Variants in TACR3 observed in about 807,000 individuals in gnomAD.
The protein encoded by TACR3 is neuromedin-K receptor.
A neutral mutation model predicts 35.0 loss-of-function variants in TACR3; 34 were observed. The ratio of observed to expected loss-of-function variants is 0.97; its 90% CI spans 0.74 to 1.30. TACR3 has a LOEUF of 1.30. TACR3 is among the 50% of genes most tolerant of loss of function. The pLI, the probability that TACR3 is intolerant of heterozygous loss-of-function variation, is 0.00. For synonymous variants in TACR3, 233 were observed against 221.1 expected (o/e 1.05, Z -0.48); for missense variants, 558 against 591.7 (o/e 0.94, Z 0.59).
chr4:103,686,691 T>G (rs1291702776), intron 1 of TACR3, among the ~76,000 whole-genome samples: 2 of 152,136 alleles, frequency 1.3e-5, no homozygotes, highest in Non-Finnish European at 2.9e-5. Flanking sequence ...GAAATTATTT[T>G]TGAGAGGTCC....
At chr4:103,633,652 C>T (rs570114169) in intron 3 of TACR3, among the ~76,000 whole-genome samples, 39 of 152,162 alleles carry the variant, frequency 2.6e-4, no homozygotes, top group Non-Finnish European at 1.2e-4. Context: ...TCAGTGAGAA[C>T]ATAAAATGTT....
chr4:103,612,126 CTGTTA>C (rs1259398884), intron 3 of TACR3, among the ~76,000 whole-genome samples: 1 of 152,162 alleles, frequency 6.6e-6, no homozygotes, highest in Admixed American at 6.6e-5. Context: ...TTCAAAGCTT[CTGTTA>C]TATTTTGCTG....
At position 103,587,241 on chromosome 4, in the gene TACR3, C is replaced by G. The variant is rs1239129812; in HGVS notation, c.*2441G>C. 1 of 151,430 alleles carries G rather than the reference C, an allele frequency of 6.6e-6. No homozygotes were observed. The highest frequency in any genetic ancestry group is 2.4e-5 in the African/African-American group (1 of 40,892). The allele number at this position is 151,430 out of a possible 1,614,324, so 9.4% of individuals were successfully genotyped here. A position where few individuals can be genotyped will look rare whatever the true frequency, so the allele number is the denominator to read the frequency against. On this transcript the variant is annotated 3_prime_UTR_variant, in exon 5 of 5. Transcript: ENST00000304883. Reference sequence around the variant, plus strand: ...TGCAGACAAAAGAGTGAAAAATCTTCTCTTTTATATTTCACTCTTGTTTTA... The same window carrying G: ...TGCAGACAAAAGAGTGAAAAATCTTGTCTTTTATATTTCACTCTTGTTTTA...
Position 103,719,332 on chromosome 4 carries a change from C to G in TACR3, c.344G>C (p.Arg115Pro). The change falls in exon 1 of 5, where the codon CGC (arginine) becomes CCC (proline). Residue 115 changes from arginine (R) to proline (P), a missense_variant. By Grantham distance (103) the Arg-to-Pro change is moderately radical (BLOSUM62 -2). Transcript: ENST00000304883. ...GAAGTAGTTGGTGACAGTCCTCATG[C>G]GCTTGTGGGCCAGGATGATCCAGAT... ...IVIWIILAHKRMRTVTNYFLV... is the reference protein window; with the variant it reads ...IVIWIILAHKPMRTVTNYFLV... The G allele has an allele frequency of 1.9e-6, 3 of 1,614,236 alleles. No homozygotes were observed. The South Asian group carries it at 3.3e-5, about 18-fold the overall frequency.
intron 3 of TACR3, among the ~76,000 whole-genome samples, chr4:103,609,834 A>G (rs1291776314): frequency 6.6e-6 from 1 of 152,100 alleles, no homozygotes. Context: ...CACTTCTTCT[A>G]TAAGGTAAAC....
intron 1 of TACR3, among the ~76,000 whole-genome samples, chr4:103,666,231 G>A (rs985922307): frequency 6.6e-6 from 1 of 152,080 alleles, no homozygotes; most frequent in African/African-American, 2.4e-5. Context: ...TGGACACAGT[G>A]GTAAAGACAT....
chr4:103,667,283 C>G (rs919745711), intron 1 of TACR3, among the ~76,000 whole-genome samples: 1 of 149,274 alleles, frequency 6.7e-6, no homozygotes, highest in Admixed American at 6.6e-5. Context: ...AAAACAAAAA[C>G]AAAAAAACTT....
At chr4:103,652,841 G>T (rs1252701699) in intron 3 of TACR3, among the ~76,000 whole-genome samples, 1 of 151,672 alleles carries the variant, frequency 6.6e-6, no homozygotes, top group Non-Finnish European at 1.5e-5. Context: ...GTCCATCCAG[G>T]GTAGAACTTC....
At chr4:103,600,286 G>T (rs1724163169) in intron 3 of TACR3, among the ~76,000 whole-genome samples, 1 of 152,130 alleles carries the variant, frequency 6.6e-6, no homozygotes, top group Non-Finnish European at 1.5e-5. Flanking sequence ...GTATTCCTGT[G>T]GGATCAGTGT....
chr4:103,648,704 T>G (rs1166646028), intron 3 of TACR3, among the ~76,000 whole-genome samples: 1 of 152,150 alleles, frequency 6.6e-6, no homozygotes, highest in Non-Finnish European at 1.5e-5. Flanking sequence ...ACATTTAGGT[T>G]GCTTCCAAGT....
At chr4:103,659,576 CTCATATTGAAT>C (rs1365801054) in intron 1 of TACR3, among the ~76,000 whole-genome samples, 1 of 152,120 alleles carries the variant, frequency 6.6e-6, no homozygotes, top group African/African-American at 2.4e-5. Context: ...CCTGTTATAC[CTCATATTGAAT>C]TCATACTGCC....
rs540361501 is a variant in TACR3 at position 103,609,239 on chromosome 4, A to G, written c.889-17556T>C. ...GCCTTATTCACTGCATTCTATTTCA[A>G]CAGTGGCCACAAAATTATTTCCATA... On this transcript the variant is annotated intron_variant, in intron 3 of 4. Transcript: ENST00000304883. 3.3e-5 allele frequency among the ~76,000 whole-genome samples: 5 copies of G among 152,244 alleles called. No individual in the cohort carries two copies. In the South Asian group the frequency reaches 1.0e-3, roughly 32 times the overall value.
intron 3 of TACR3, among the ~76,000 whole-genome samples, chr4:103,624,764 C>A (rs1315755515): frequency 1.3e-5 from 2 of 152,066 alleles, no homozygotes; most frequent in Non-Finnish European, 2.9e-5. Context: ...TCCCTTTTGA[C>A]TTGAAGGAGA....
intron 1 of TACR3, among the ~76,000 whole-genome samples, chr4:103,704,285 G>A (rs1722735285): frequency 6.6e-6 from 1 of 152,110 alleles, no homozygotes; most frequent in African/African-American, 2.4e-5. Context: ...TGGATGCAAT[G>A]TGTTAAAAAT....
At chr4:103,708,753 C>A (rs1395410080) in intron 1 of TACR3, among the ~76,000 whole-genome samples, 1 of 152,090 alleles carries the variant, frequency 6.6e-6, no homozygotes, top group Non-Finnish European at 1.5e-5. Context: ...AGCTGAAAAC[C>A]TTGAGAAAAG....
At position 103,589,940 on chromosome 4, in the gene TACR3, G is replaced by A. The variant is rs267599972; in HGVS notation, c.1140C>T (p.Ser380=). Residue 380 remains serine, a synonymous_variant, in exon 5 of 5, where the codon TCC becomes TCT. Transcript: ENST00000304883. ...AFRWCPFIKV[S]SYDELELKTT... ...TCTTGAGCTCTAGCTCATCATAGCT[G>A]GAAACTTTGATGAAAGGACACCAGC... 3.7e-6 allele frequency: 6 copies of A among 1,613,786 alleles called. No individual in the cohort carries two copies. The East Asian group carries it at 8.9e-5, about 24-fold the overall frequency.
chr4:103,697,402 G>GTTTGTTTA (rs139321846), intron 1 of TACR3, among the ~76,000 whole-genome samples: 1,766 of 144,966 alleles, frequency 0.012, 27 homozygotes, highest in African/African-American at 0.042. Flanking sequence ...TTATTTATTT[G>GTTTGTTTA]TTTATTTATT....
chr4:103,630,925 C>T (rs1404976714), intron 3 of TACR3, among the ~76,000 whole-genome samples: 1 of 152,146 alleles, frequency 6.6e-6, no homozygotes, highest in African/African-American at 2.4e-5. Flanking sequence ...GACTTGGAAC[C>T]AACCCAAATG....
intron 1 of TACR3, among the ~76,000 whole-genome samples, chr4:103,704,613 T>C (rs900055590): frequency 6.6e-6 from 1 of 152,156 alleles, no homozygotes; most frequent in South Asian, 2.1e-4. Flanking sequence ...TCACTCACTA[T>C]AGTAAGAACA....
Sources: allele counts gnomAD v4.1 joint callset (sites outside exome capture counted in the v4.1 genomes callset), GRCh38; gene constraint gnomAD v4.1.1; transcripts MANE v1.5; gene names NCBI Gene and HGNC (gene_info 2026-07-23, HGNC 2026-07-21).